LARGE1: variants seen among roughly 807,000 people sequenced by gnomAD.
LARGE1 encodes xylosyl- and glucuronyltransferase LARGE1.
In LARGE1, 43 loss-of-function variants were observed where a neutral mutation model predicts 87.6. The ratio of observed to expected loss-of-function variants is 0.49; its 90% CI spans 0.38 to 0.63. LARGE1 has a LOEUF of 0.63. Among genes scored for constraint, LARGE1 ranks in the 30% least tolerant of loss-of-function variants. LARGE1 has a pLI of 0.00. For synonymous variants in LARGE1, 434 were observed against 394.6 expected (o/e 1.10, Z -1.18); for missense variants, 802 against 1,000.2 (o/e 0.80, Z 2.67).
At chr22:33,853,090 G>A (rs1357434895) in intron 1 of LARGE1, among the ~76,000 whole-genome samples, 1 of 151,916 alleles carries the variant, frequency 6.6e-6, no homozygotes, top group South Asian at 2.1e-4. Flanking sequence ...ATTAATCCAA[G>A]GAGAAATTAA....
chr22:33,375,035 A>C (rs1272181214), intron 9 of LARGE1, among the ~76,000 whole-genome samples: 2 of 152,188 alleles, frequency 1.3e-5, no homozygotes, highest in Non-Finnish European at 2.9e-5. Context: ...ACTAAATGCA[A>C]ATGTTTGAGA....
intron 6 of LARGE1, among the ~76,000 whole-genome samples, chr22:33,437,156 T>G (rs1387880764): frequency 2.0e-5 from 3 of 152,228 alleles, no homozygotes; most frequent in African/African-American, 7.2e-5. Context: ...TGAGAATTAC[T>G]GATTGGAGTT....
At chr22:33,257,520 C>A (rs1927375945) in intron 11 of LARGE1, among the ~76,000 whole-genome samples, 1 of 152,124 alleles carries the variant, frequency 6.6e-6, no homozygotes, top group African/African-American at 2.4e-5. Context: ...CCAAGTTAAT[C>A]TTAAAGAAGC....
chr22:33,609,572 G>GT (rs1248977676), intron 4 of LARGE1, among the ~76,000 whole-genome samples: 1 of 152,188 alleles, frequency 6.6e-6, no homozygotes, highest in Non-Finnish European at 1.5e-5. Context: ...TGACCGTTGA[G>GT]TAACATGGGG....
At chr22:33,134,983 G>A in the LARGE1 span, among the ~76,000 whole-genome samples, 2 of 152,184 alleles carry the variant, frequency 1.3e-5, no homozygotes, top group African/African-American at 4.8e-5. Context: ...TCATCTGCCT[G>A]GTTTAGAGCC....
At chr22:33,250,914 A>AT (rs1926984584) in intron 11 of LARGE1, among the ~76,000 whole-genome samples, 1 of 151,980 alleles carries the variant, frequency 6.6e-6, no homozygotes, top group African/African-American at 2.4e-5. Context: ...TTTGTTTAGG[A>AT]TTTTTGTATT....
At chr22:33,303,488 G>A (rs757644294) in intron 12 of LARGE1, among the ~76,000 whole-genome samples, 4 of 152,162 alleles carry the variant, frequency 2.6e-5, no homozygotes, top group South Asian at 2.1e-4. Context: ...TGCCTGGCGC[G>A]CAGCAAACAC....
chr22:33,130,313 C>CAAAAAAAAAAAAAAA, the LARGE1 span, among the ~76,000 whole-genome samples: 575 of 56,976 alleles, frequency 0.01, 23 homozygotes, highest in African/African-American at 0.018. Context: ...GATTCCGTCT[C>CAAAAAAAAAAAAAAA]AAAAAAAAAA....
At chr22:33,473,185 T>G (rs749954714) in intron 6 of LARGE1, among the ~76,000 whole-genome samples, 1 of 151,876 alleles carries the variant, frequency 6.6e-6, no homozygotes, top group Admixed American at 6.6e-5. Context: ...TTTTTTTCTT[T>G]GAGATGGAGT....
At chr22:33,452,405 AAAG>A (rs767333887) in intron 6 of LARGE1, among the ~76,000 whole-genome samples, 1 of 152,218 alleles carries the variant, frequency 6.6e-6, no homozygotes, top group Non-Finnish European at 1.5e-5. Flanking sequence ...AATGCCAGCA[AAAG>A]AAGAAAGAGT....
intron 2 of LARGE1, among the ~76,000 whole-genome samples, chr22:33,689,797 G>A (rs540125399): frequency 3.9e-5 from 6 of 152,068 alleles, no homozygotes; most frequent in African/African-American, 1.4e-4. Flanking sequence ...CATGGTGGTG[G>A]GTGCCTGTAA....
chr22:33,350,713 C>A (rs1940287969), intron 9 of LARGE1, among the ~76,000 whole-genome samples: 1 of 152,164 alleles, frequency 6.6e-6, no homozygotes. Flanking sequence ...TCCGTGAGGC[C>A]CACTATTGCT....
chr22:33,280,034 A>C (rs982894148), intron 13 of LARGE1, among the ~76,000 whole-genome samples: 1 of 152,226 alleles, frequency 6.6e-6, no homozygotes, highest in Non-Finnish European at 1.5e-5. Context: ...AAAGAGCTTA[A>C]GTGAGAAAAT....
chr22:33,799,986 C>A (rs1227535738), intron 1 of LARGE1, among the ~76,000 whole-genome samples: 1 of 152,138 alleles, frequency 6.6e-6, no homozygotes, highest in Non-Finnish European at 1.5e-5. Flanking sequence ...AGAAGAAGAT[C>A]CTCGCTGTCC....
intron 4 of LARGE1, among the ~76,000 whole-genome samples, chr22:33,611,123 T>G (rs561438372): frequency 6.6e-6 from 1 of 152,228 alleles, no homozygotes; most frequent in Non-Finnish European, 1.5e-5. Flanking sequence ...AGGGCAGTGC[T>G]TAGGTTATAT....
intron 5 of LARGE1, among the ~76,000 whole-genome samples, chr22:33,603,899 A>C (rs1035003285): frequency 6.6e-6 from 1 of 152,194 alleles, no homozygotes; most frequent in Non-Finnish European, 1.5e-5. Context: ...CATAACCTTT[A>C]ATATTTATTC....
chr22:33,890,741 T>C (rs948109052), intron 1 of LARGE1, among the ~76,000 whole-genome samples: 15 of 129,816 alleles, frequency 1.2e-4, no homozygotes, highest in African/African-American at 4.5e-4. Flanking sequence ...CCAGCCCTCA[T>C]AGGCAACAAT....
At chr22:33,884,565 G>A (rs917708368) in intron 1 of LARGE1, among the ~76,000 whole-genome samples, 1 of 152,184 alleles carries the variant, frequency 6.6e-6, no homozygotes, top group African/African-American at 2.4e-5. Flanking sequence ...TGGGAGACCG[G>A]GCAAGACCAG....
intron 13 of LARGE1, among the ~76,000 whole-genome samples, chr22:33,282,567 A>C (rs528920712): frequency 8.0e-4 from 122 of 152,270 alleles, no homozygotes; most frequent in Non-Finnish European, 1.2e-3. Context: ...GACAGGTGAC[A>C]GGGGAGCTCC....
Sources: gnomAD v4.1 joint callset for allele counts (sites outside exome capture counted in the v4.1 genomes callset) on GRCh38, gnomAD v4.1.1 for gene constraint, MANE v1.5 for transcripts, NCBI Gene and HGNC (gene_info 2026-07-23, HGNC 2026-07-21) for gene names.